Variants in ZNF540 observed in about 807,000 individuals in gnomAD.
The protein encoded by ZNF540 is CTD-3064H18.6.
Under a neutral mutation model 11.8 loss-of-function variants are expected in ZNF540, and 3 were observed. The ratio of observed to expected loss-of-function variants is 0.25; its 90% CI spans 0.12 to 0.65. The LOEUF (loss-of-function observed/expected upper bound fraction) is 0.65. Ranked by LOEUF, ZNF540 falls within the 30% of genes least tolerant of loss-of-function variation. The pLI is 0.83. For synonymous variants in ZNF540, 247 were observed against 259.0 expected (o/e 0.95, Z 0.45); for missense variants, 709 against 793.1 (o/e 0.89, Z 1.27).
At chr19:37,590,399 A>T (rs2043833634), upstream of ZNF540, among the ~76,000 whole-genome samples, 1 of 151,916 alleles carries the variant, frequency 6.6e-6, no homozygotes, top group Admixed American at 6.6e-5. Flanking sequence ...CCTGGGGGAC[A>T]GAGTGAGGCT....
chr19:37,613,212 T>C lies in ZNF540; in HGVS notation c.1932T>C (p.Phe644=), dbSNP rs2044147369. Residue 644 remains phenylalanine (F), a synonymous_variant, in exon 5 of 5, where the codon TTT becomes TTC. Coordinates refer to ENST00000316433, the MANE Select transcript of ZNF540 (RefSeq NM_001172225.3). ...PYECKVCRKA[F]RQYSHLYQHQ... The stretch of plus-strand genomic sequence containing the variant: ...AGTGTAAGGTATGTAGAAAGGCCTT[T>C]AGACAATATTCACATCTTTATCAAC... 1.3e-6 allele frequency: 2 copies of C among 1,566,650 alleles called. No homozygotes were observed. Among genetic ancestry groups the C allele is most frequent in the African/African-American group, 2.7e-5 (2 of 73,152 alleles).
rs1600454653 is a variant in ZNF540 at position 37,565,265 on chromosome 19, T to C, written c.-73+13600T>C. On this transcript the variant is annotated intron_variant, in intron 1 of 4. Transcript: ENST00000592533. Reference sequence around the variant, plus strand: ...ACATTCTTTGCATTTATAAGGTCTCTCACCTGAATGAACTCTCAGGTGGTA... The same window carrying C: ...ACATTCTTTGCATTTATAAGGTCTCCCACCTGAATGAACTCTCAGGTGGTA... 3 of 1,611,546 alleles carry C rather than the reference T, an allele frequency of 1.9e-6. No homozygotes were observed. In the East Asian group the frequency reaches 6.7e-5, roughly 36 times the overall value.
At chr19:37,565,062 A>C in intron 1 of ZNF540, 1 of 1,613,266 alleles carries the variant, frequency 6.2e-7, no homozygotes, top group South Asian at 1.1e-5. Context: ...ACACGAATAA[A>C]GGCCTTTCCA....
rs1409177999 is a variant in ZNF540, at chr19:37,598,462, T to C, written c.9+6T>C. ...AGTGTAAAACCATGGCCCATGTAAG[T>C]CACAGTTTCTCTTTCCTTTTTAGAT... On this transcript the variant is annotated splice_donor_region_variant and intron_variant, in intron 2 of 4. Coordinates refer to ENST00000316433, the MANE Select transcript of ZNF540 (RefSeq NM_001172225.3). The C allele has an allele frequency of 6.2e-7, 1 of 1,613,832 alleles. No individual in the cohort carries two copies. Among genetic ancestry groups the C allele is most frequent in the Non-Finnish European group, 8.5e-7 (1 of 1,179,842 alleles).
chr19:37,603,554 G>A (rs948725852), intron 4 of ZNF540, among the ~76,000 whole-genome samples: 1 of 152,176 alleles, frequency 6.6e-6, no homozygotes, highest in African/African-American at 2.4e-5. Context: ...ATTGGCAGGA[G>A]GGAAAGGAGA....
intron 1 of ZNF540, among the ~76,000 whole-genome samples, chr19:37,578,536 AGC>A (rs2043326788): frequency 6.6e-6 from 1 of 152,164 alleles, no homozygotes; most frequent in African/African-American, 2.4e-5. Flanking sequence ...CGGATCCCTG[AGC>A]AGCTTGGTGC....
At chr19:37,584,462 T>A (rs1600522792) in intron 1 of ZNF540, among the ~76,000 whole-genome samples, 1 of 152,228 alleles carries the variant, frequency 6.6e-6, no homozygotes, top group African/African-American at 2.4e-5. Context: ...GTTCTTGCTC[T>A]CCCTTCTGCC....
chr19:37,566,527 G>A (rs2042867220), intron 1 of ZNF540: 2 of 444,044 alleles, frequency 4.5e-6, no homozygotes, highest in Non-Finnish European at 7.8e-6. Context: ...TCAAACTTTG[G>A]AATGGCTTAG....
chr19:37,575,883 A>G (rs977684751), intron 1 of ZNF540: 1 of 152,250 alleles, frequency 6.6e-6, no homozygotes, highest in African/African-American at 2.4e-5. Flanking sequence ...TTCGGTGGAC[A>G]TAGTAAAAAA....
chr19:37,586,410 C>T (rs1022058948), intron 1 of ZNF540: 7 of 517,752 alleles, frequency 1.4e-5, no homozygotes, highest in Non-Finnish European at 2.4e-5. Flanking sequence ...TTTCTGTTCC[C>T]TCAGAGCTCT....
intron 1 of ZNF540, among the ~76,000 whole-genome samples, chr19:37,556,764 A>G (rs557182732): frequency 2.0e-5 from 3 of 152,306 alleles, no homozygotes; most frequent in East Asian, 1.9e-4. Context: ...CATGATTTCA[A>G]AAGGTGAGAA....
intron 4 of ZNF540, among the ~76,000 whole-genome samples, chr19:37,609,596 C>T (rs1320773148): frequency 6.8e-6 from 1 of 146,774 alleles, no homozygotes; most frequent in African/African-American, 2.5e-5. Flanking sequence ...GCCTGGAATC[C>T]CAGCTCTTTG....
rs1487273000 is a variant in ZNF540, at chr19:37,565,712, G to C, written c.-73+14047G>C. 4 of 1,613,816 alleles carry C rather than the reference G, an allele frequency of 2.5e-6. No individual in the cohort carries two copies. In the South Asian group the frequency reaches 4.4e-5, roughly 18 times the overall value. On this transcript the variant is annotated intron_variant, in intron 1 of 4. Coordinates refer to the ZNF540 transcript ENST00000592533. ...TCCTGTATGAACTCTCTGATGTTCA[G>C]TGAGCTGTGAACCACGAATAAAAGC...
Position 37,613,514 on chromosome 19 carries a change from T to TGAGTA in ZNF540, c.*251_*252insGAGTA. ...CATCATTGCCTTTCCACTACTCTAC[T>TGAGTA]ATCTGTGTGATATTAGACAAAATAT... On this transcript the variant is annotated 3_prime_UTR_variant, in exon 5 of 5. Transcript: ENST00000316433. The TGAGTA allele has an allele frequency of 4.9e-6, 2 of 404,738 alleles. No individual in the cohort carries two copies. Among genetic ancestry groups the TGAGTA allele is most frequent in the East Asian group, 7.1e-5 (2 of 28,242 alleles). The allele number at this position is 404,738 out of a possible 1,614,324, so 25.1% of individuals were successfully genotyped here.
chr19:37,612,376 C>T lies in ZNF540; in HGVS notation c.1096C>T (p.Leu366Phe), dbSNP rs201200809. 1.7e-5 allele frequency: 27 copies of T among 1,613,292 alleles called. No homozygotes were observed. The African/African-American group carries it at 3.6e-4, about 22-fold the overall frequency. The change falls in exon 5 of 5, where the codon CTT becomes TTT. Residue 366 changes from leucine (L) to phenylalanine (F), a missense_variant. Physicochemically the swap from Leu to Phe is conservative, Grantham distance 22. Coordinates refer to ENST00000316433, the MANE Select transcript of ZNF540 (RefSeq NM_001172225.3). ...ECKECGKTFR[L>F]SFYLTEHRRT... ...TAAGGAATGTGGAAAGACCTTTAGA[C>T]TTAGTTTTTACCTTACTGAACACAG...
chr19:37,555,454 T>G (rs1200393134), intron 1 of ZNF540: 1 of 163,686 alleles, frequency 6.1e-6, no homozygotes, highest in Non-Finnish European at 1.3e-5. Flanking sequence ...AAAATTAAAC[T>G]TAATAGTATG....
At chr19:37,567,897 C>T (rs1191294615) in intron 1 of ZNF540, 1 of 152,116 alleles carries the variant, frequency 6.6e-6, no homozygotes, top group African/African-American at 2.4e-5. Flanking sequence ...AGCTAGTCCC[C>T]AGAACACAGT....
rs1443671972 is a variant in ZNF540 at position 37,613,618 on chromosome 19, A to C, written c.*355A>C. On this transcript the variant is annotated 3_prime_UTR_variant, in exon 5 of 5. Transcript: ENST00000316433. ...TTCCAACATGTATAATACAGCAACAACTATCTGGCCCAAACTGCTTTGGAT... is the reference window on the plus strand; with the variant it reads ...TTCCAACATGTATAATACAGCAACACCTATCTGGCCCAAACTGCTTTGGAT... 4 of 396,482 alleles carry C rather than the reference A, an allele frequency of 1.0e-5. No individual in the cohort carries two copies. Among genetic ancestry groups the C allele is most frequent in the African/African-American group, 2.1e-5 (1 of 48,560 alleles). 24.6% of individuals were successfully genotyped at this position (396,482 alleles called of 1,614,324 possible). A position where few individuals can be genotyped will look rare whatever the true frequency, so the allele number is the denominator to read the frequency against.
At chr19:37,610,542 A>G (rs1303665687) in intron 4 of ZNF540, among the ~76,000 whole-genome samples, 3 of 152,230 alleles carry the variant, frequency 2.0e-5, no homozygotes, top group Non-Finnish European at 4.4e-5. Flanking sequence ...TTAACCAACC[A>G]TTAAGAATGA....
Sources: allele counts gnomAD v4.1 joint callset (sites outside exome capture counted in the v4.1 genomes callset), GRCh38; gene constraint gnomAD v4.1.1; transcripts MANE v1.5; gene names NCBI Gene and HGNC (gene_info 2026-07-23, HGNC 2026-07-21).